The following GPR39 variants were observed in gnomAD, a reference collection of about 807,000 sequenced individuals.
GPR39 encodes zinc sensing receptor.
In GPR39, 23 loss-of-function variants were observed where a neutral mutation model predicts 18.4. That is an observed-to-expected ratio of 1.25 (90% CI 0.90 to 1.77). The LOEUF (loss-of-function observed/expected upper bound fraction) is 1.77, where lower values mean the gene tolerates loss of function less well. GPR39 is among the 40% of genes most tolerant of loss of function. The pLI, the probability that GPR39 is intolerant of heterozygous loss-of-function variation, is 0.00. For synonymous variants in GPR39, 280 were observed against 257.9 expected (o/e 1.09, Z -0.82); for missense variants, 647 against 602.4 (o/e 1.07, Z -0.78).
At chr2:132,610,509 G>C (rs1461194157) in intron 1 of GPR39, among the ~76,000 whole-genome samples, 1 of 152,128 alleles carries the variant, frequency 6.6e-6, no homozygotes, top group Non-Finnish European at 1.5e-5. Flanking sequence ...GGGCACAGTG[G>C]CTCACATCTG....
chr2:132,509,369 A>AC, intron 1 of GPR39, among the ~76,000 whole-genome samples: 1 of 152,296 alleles, frequency 6.6e-6, no homozygotes, highest in Non-Finnish European at 1.5e-5. Context: ...CCCAAGGATA[A>AC]CCACTTGATA....
intron 1 of GPR39, among the ~76,000 whole-genome samples, chr2:132,554,515 T>A (rs1573663917): frequency 6.6e-6 from 1 of 152,172 alleles, no homozygotes; most frequent in African/African-American, 2.4e-5. Flanking sequence ...AAGCCAGAAG[T>A]TGGTCTTGTC....
chr2:132,620,485 C>T (rs1681422737), intron 1 of GPR39, among the ~76,000 whole-genome samples: 1 of 152,208 alleles, frequency 6.6e-6, no homozygotes, highest in Non-Finnish European at 1.5e-5. Context: ...TCTCCAGTTT[C>T]ACTGCAAACC....
chr2:132,455,689 C>T (rs1338714893), intron 1 of GPR39, among the ~76,000 whole-genome samples: 1 of 152,126 alleles, frequency 6.6e-6, no homozygotes, highest in Non-Finnish European at 1.5e-5. Context: ...TGTCTTTGTT[C>T]TCATTGGTTT....
intron 1 of GPR39, among the ~76,000 whole-genome samples, chr2:132,593,047 AC>A (rs1311482405): frequency 1.3e-5 from 2 of 152,244 alleles, no homozygotes; most frequent in South Asian, 4.1e-4. Flanking sequence ...ACTTAAGATT[AC>A]AGTTTTATTA....
intron 1 of GPR39, among the ~76,000 whole-genome samples, chr2:132,566,177 T>C (rs1363781529): frequency 2.7e-5 from 4 of 148,092 alleles, no homozygotes; most frequent in African/African-American, 1.0e-4. Flanking sequence ...TTTCATGTGT[T>C]TTTTGGCTGC....
At chr2:132,420,661 A>G (rs1679992436) in intron 1 of GPR39, among the ~76,000 whole-genome samples, 1 of 149,976 alleles carries the variant, frequency 6.7e-6, no homozygotes, top group Admixed American at 6.6e-5. Flanking sequence ...GCAATAAAGA[A>G]AACAATTAAG....
At position 132,645,977 on chromosome 2, in the gene GPR39, A is replaced by C; in HGVS notation, c.*371A>C. 1 of 1,202,784 alleles carries C rather than the reference A, an allele frequency of 8.3e-7. No homozygotes were observed. Among genetic ancestry groups the C allele is most frequent in the South Asian group, 1.6e-5 (1 of 62,622 alleles). 74.5% of individuals were successfully genotyped at this position (1,202,784 alleles called of 1,614,324 possible). A position where few individuals can be genotyped will look rare whatever the true frequency, so the allele number is the denominator to read the frequency against. ...AAGGACACCCAGAAGAAACTCACTC[A>C]GGGAGGTGGGGGGTTGGGGGCGAGG... On this transcript the variant is annotated 3_prime_UTR_variant, in exon 2 of 2. Transcript: ENST00000329321.
chr2:132,597,711 C>T (rs1680970601), intron 1 of GPR39, among the ~76,000 whole-genome samples: 1 of 152,138 alleles, frequency 6.6e-6, no homozygotes. Flanking sequence ...GTTCATGGAC[C>T]ATTTATAAAT....
chr2:132,514,709 A>G (rs2104761609), intron 1 of GPR39, among the ~76,000 whole-genome samples: 1 of 152,340 alleles, frequency 6.6e-6, no homozygotes, highest in Non-Finnish European at 1.5e-5. Context: ...GATAATGATT[A>G]CATCCTCTGG....
intron 1 of GPR39, among the ~76,000 whole-genome samples, chr2:132,447,674 G>GT (rs1276321538): frequency 1.3e-5 from 2 of 151,748 alleles, no homozygotes; most frequent in Non-Finnish European, 2.9e-5. Flanking sequence ...AAAAATATTT[G>GT]TTTTTTAGCA....
intron 1 of GPR39, among the ~76,000 whole-genome samples, chr2:132,435,956 C>T (rs758827124): frequency 2.0e-5 from 3 of 152,182 alleles, no homozygotes; most frequent in Admixed American, 6.5e-5. Context: ...GTTTTAAGTT[C>T]GTTTTCAGAA....
At chr2:132,481,351 G>A (rs1386089515) in intron 1 of GPR39, among the ~76,000 whole-genome samples, 1 of 152,210 alleles carries the variant, frequency 6.6e-6, no homozygotes, top group Non-Finnish European at 1.5e-5. Flanking sequence ...AATGGAAAAG[G>A]AGGGTAACGA....
At chr2:132,464,145 G>A (rs1225762762) in intron 1 of GPR39, among the ~76,000 whole-genome samples, 3 of 152,212 alleles carry the variant, frequency 2.0e-5, no homozygotes, top group African/African-American at 7.2e-5. Context: ...TATTTTTGAA[G>A]CTGTGAAAGG....
intron 1 of GPR39, among the ~76,000 whole-genome samples, chr2:132,458,210 C>T (rs1680767342): frequency 6.6e-6 from 1 of 152,170 alleles, no homozygotes; most frequent in Non-Finnish European, 1.5e-5. Flanking sequence ...CTGTCTTCTG[C>T]ATCAGTCATG....
intron 1 of GPR39, among the ~76,000 whole-genome samples, chr2:132,424,767 C>T (rs1000869283): frequency 1.3e-5 from 2 of 152,278 alleles, no homozygotes; most frequent in Non-Finnish European, 2.9e-5. Context: ...AAAGTACAGG[C>T]CTGGCTGTGT....
chr2:132,502,980 A>G (rs1558818782), intron 1 of GPR39, among the ~76,000 whole-genome samples: 4 of 152,010 alleles, frequency 2.6e-5, no homozygotes, highest in Admixed American at 2.6e-4. Flanking sequence ...ATCCTGTATC[A>G]TGTTTTTGAT....
At chr2:132,427,082 A>G (rs1282181532) in intron 1 of GPR39, among the ~76,000 whole-genome samples, 1 of 135,992 alleles carries the variant, frequency 7.4e-6, no homozygotes, top group South Asian at 2.2e-4. Flanking sequence ...ACCTATATAT[A>G]TAATATACAT....
At chr2:132,529,632 C>T (rs894844886) in intron 1 of GPR39, among the ~76,000 whole-genome samples, 1 of 152,164 alleles carries the variant, frequency 6.6e-6, no homozygotes, top group Non-Finnish European at 1.5e-5. Context: ...CCTCACACGG[C>T]CGGGTACTCC....
Sources: allele counts gnomAD v4.1 joint callset (sites outside exome capture counted in the v4.1 genomes callset), GRCh38; gene constraint gnomAD v4.1.1; transcripts MANE v1.5; gene names NCBI Gene and HGNC (gene_info 2026-07-23, HGNC 2026-07-21).